The following ERCC8 variants were observed in gnomAD, a reference collection of about 807,000 sequenced individuals.
ERCC8 encodes ERCC excision repair 8, CSA ubiquitin ligase complex subunit.
A neutral mutation model predicts 54.9 loss-of-function variants in ERCC8; 52 were observed. The ratio of observed to expected loss-of-function variants is 0.95; its 90% CI spans 0.76 to 1.19. The LOEUF (loss-of-function observed/expected upper bound fraction) is 1.19. ERCC8 is among the 50% of genes most tolerant of loss of function. The probability of loss-of-function intolerance (pLI) is 0.00; values close to 1 mark genes in which losing one functional copy is unlikely to be tolerated. For missense variants in ERCC8, 514 were observed against 466.1 expected (o/e 1.10, Z -0.95); for synonymous variants, 146 against 157.2 (o/e 0.93, Z 0.53).
chr5:60,933,903 T>C (rs1369231186), intron 1 of ERCC8, among the ~76,000 whole-genome samples: 1 of 152,158 alleles, frequency 6.6e-6, no homozygotes, highest in Admixed American at 6.6e-5. Context: ...AAGCCATGAT[T>C]TCATTCCTTT....
At chr5:60,925,724 G>GT (rs780695095) in intron 2 of ERCC8, among the ~76,000 whole-genome samples, 6 of 152,220 alleles carry the variant, frequency 3.9e-5, no homozygotes, top group Non-Finnish European at 7.4e-5. Flanking sequence ...TAGTTTGGTT[G>GT]TAAGTGTTAA....
chr5:60,923,224 A>G (rs188088729), intron 2 of ERCC8, among the ~76,000 whole-genome samples: 19 of 152,300 alleles, frequency 1.2e-4, no homozygotes, highest in African/African-American at 4.3e-4. Context: ...TTCTATTCAA[A>G]AACTTTGCAA....
At chr5:60,914,421 T>C (rs531996827) in intron 4 of ERCC8, among the ~76,000 whole-genome samples, 15 of 152,206 alleles carry the variant, frequency 9.9e-5, no homozygotes, top group Admixed American at 9.2e-4. Flanking sequence ...CCTGCTTTTT[T>C]TTTGCTTTCC....
chr5:60,901,942 C>A (rs1748915394), intron 7 of ERCC8, among the ~76,000 whole-genome samples: 1 of 151,936 alleles, frequency 6.6e-6, no homozygotes, highest in African/African-American at 2.4e-5. Flanking sequence ...AAGCATTTTT[C>A]TGGATGCCCT....
At chr5:60,922,030 A>C (rs1749614071) in intron 3 of ERCC8, 24 bp downstream of exon 3, 1 of 1,524,126 alleles carries the variant, frequency 6.6e-7, no homozygotes, top group Non-Finnish European at 9.0e-7. Flanking sequence ...CAAATTCATA[A>C]ATTTTTACAT....
intron 2 of ERCC8, among the ~76,000 whole-genome samples, chr5:60,926,357 T>A (rs1315460005): frequency 1.3e-5 from 2 of 152,202 alleles, no homozygotes; most frequent in African/African-American, 2.4e-5. Context: ...TGTGTAATGA[T>A]GTAGTAGATT....
chr5:60,932,955 C>T (rs1436778754), intron 1 of ERCC8, among the ~76,000 whole-genome samples: 1 of 152,108 alleles, frequency 6.6e-6, no homozygotes, highest in Non-Finnish European at 1.5e-5. Flanking sequence ...TTTAAAATCA[C>T]CTTTCCAATC....
intron 9 of ERCC8, chr5:60,893,281 CT>C: frequency 9.9e-7 from 1 of 1,014,604 alleles, no homozygotes; most frequent in Non-Finnish European, 1.6e-6. Flanking sequence ...TATTTAATTC[CT>C]GCAAAACTTC....
intron 2 of ERCC8, among the ~76,000 whole-genome samples, chr5:60,923,349 T>C (rs1036726896): frequency 2.0e-5 from 3 of 152,146 alleles, no homozygotes; most frequent in Non-Finnish European, 4.4e-5. Flanking sequence ...ATCAGTTTCT[T>C]AACCATATTT....
intron 4 of ERCC8, among the ~76,000 whole-genome samples, chr5:60,917,139 C>G (rs1749458477): frequency 6.6e-6 from 1 of 151,928 alleles, no homozygotes. Flanking sequence ...GAGACCTTTG[C>G]TAACAAATTA....
At chr5:60,891,283 A>C (rs1281273873) in intron 9 of ERCC8, among the ~76,000 whole-genome samples, 197 bp from the exon 10 acceptor site, 1 of 152,172 alleles carries the variant, frequency 6.6e-6, no homozygotes, top group Non-Finnish European at 1.5e-5. Context: ...ATAGTAAAAA[A>C]CCACAGGGGT....
intron 11 of ERCC8, among the ~76,000 whole-genome samples, chr5:60,876,725 T>C (rs1043216977): frequency 6.6e-6 from 1 of 151,770 alleles, no homozygotes; most frequent in African/African-American, 2.4e-5. Flanking sequence ...TTTGATGGGG[T>C]TGTTTGTTTT....
chr5:60,883,566 A>G (rs1394750890), intron 11 of ERCC8, among the ~76,000 whole-genome samples: 2 of 152,344 alleles, frequency 1.3e-5, no homozygotes, highest in Admixed American at 6.5e-5. Context: ...AATAGAACCA[A>G]ACTTAACATC....
Position 60,904,634 on chromosome 5 carries a change from GTATATATA to G in ERCC8, c.481+150_481+157del, listed in dbSNP as rs869039109. Among the ~76,000 whole-genome samples, 2,591 of 49,706 alleles carry G rather than the reference GTATATATA, an allele frequency of 0.052. 61 individuals are homozygous for G. The highest frequency in any genetic ancestry group is 0.064 in the Non-Finnish European group (1,803 of 27,966). The allele number at this position is 49,706 out of a possible 152,430, so 32.6% of individuals were successfully genotyped here. On this transcript the variant is annotated intron_variant, in intron 5 of 11. Coordinates refer to ENST00000676185, the MANE Select transcript of ERCC8 (RefSeq NM_000082.4). ...TTGAATATATATAGTGTGTGTGTGTGTATATATATATATATATATATATATATATATAT... is the reference window on the plus strand; with the variant it reads ...TTGAATATATATAGTGTGTGTGTGTGTATATATATATATATATATATATAT...
rs1037391038 is a variant in ERCC8, at chr5:60,878,727, A to AT, written c.1123-4045dup. On this transcript the variant is annotated intron_variant, in intron 11 of 11. Coordinates refer to ENST00000676185, the MANE Select transcript of ERCC8 (RefSeq NM_000082.4). ...GATTGGTGGTGATATCCCCTTTATC[A>AT]TTTTTTTTGCGTCTATTTGATTCTG... Among the ~76,000 whole-genome samples the AT allele has an allele frequency of 1.8e-3, 259 of 143,678 alleles. 2 individuals carry two copies. The highest frequency in any genetic ancestry group is 5.7e-3 in the Admixed American group (82 of 14,506). 94.3% of individuals were successfully genotyped at this position (143,678 alleles called of 152,430 possible). A position where few individuals can be genotyped will look rare whatever the true frequency, so the allele number is the denominator to read the frequency against.
At chr5:60,938,459 T>A (rs990708584) in intron 1 of ERCC8, among the ~76,000 whole-genome samples, 8 of 151,068 alleles carry the variant, frequency 5.3e-5, no homozygotes, top group African/African-American at 9.7e-5. Context: ...GTTCAAGCGA[T>A]TCTCCTGCCT....
chr5:60,918,243 G>A, intron 4 of ERCC8, 22 bp downstream of exon 4: 2 of 1,560,814 alleles, frequency 1.3e-6, no homozygotes, highest in African/African-American at 1.4e-5. Flanking sequence ...AAAGCAATCT[G>A]CAAATGTTTT....
At chr5:60,921,625 A>C in intron 3 of ERCC8, among the ~76,000 whole-genome samples, 1 of 151,878 alleles carries the variant, frequency 6.6e-6, no homozygotes, top group Admixed American at 6.6e-5. Context: ...TTGGTGAGGG[A>C]ATACCAATAT....
intron 2 of ERCC8, among the ~76,000 whole-genome samples, chr5:60,927,094 T>C (rs1044920704): frequency 2.0e-5 from 3 of 152,150 alleles, no homozygotes; most frequent in Admixed American, 2.0e-4. Context: ...TAAAAGAAAA[T>C]TCAAGCTTCA....
Sources: allele counts gnomAD v4.1 joint callset (sites outside exome capture counted in the v4.1 genomes callset), GRCh38; gene constraint gnomAD v4.1.1; transcripts MANE v1.5; gene names NCBI Gene and HGNC (gene_info 2026-07-23, HGNC 2026-07-21).